Variants in STAT3 observed in about 807,000 individuals in gnomAD.
STAT3 encodes signal transducer and activator of transcription 3.
In STAT3, 7 loss-of-function variants were observed where a neutral mutation model predicts 114.3. The ratio of observed to expected loss-of-function variants is 0.06; its 90% CI spans 0.03 to 0.11. The LOEUF (loss-of-function observed/expected upper bound fraction) is 0.11, where lower values mean the gene tolerates loss of function less well. Ranked by LOEUF, STAT3 falls within the 10% of genes least tolerant of loss-of-function variation. The probability of loss-of-function intolerance (pLI) is 1.00; values close to 1 mark genes in which losing one functional copy is unlikely to be tolerated. For missense variants in STAT3, 364 were observed against 960.9 expected, an observed-to-expected ratio of 0.38 and a Z score of 8.21; for synonymous variants, 331 against 354.5, an observed-to-expected ratio of 0.93 and a Z score of 0.74.
chr17:42,315,377 A>T lies in STAT3; in HGVS notation c.*368T>A. 2.3e-6 allele frequency: 1 copy of T among 443,358 alleles called. No homozygotes were observed. The highest frequency in any genetic ancestry group is 4.2e-6 in the Non-Finnish European group (1 of 240,054). The allele number at this position is 443,358 out of a possible 1,614,324, so 27.5% of individuals were successfully genotyped here. A position where few individuals can be genotyped will look rare whatever the true frequency, so the allele number is the denominator to read the frequency against. On this transcript the variant is annotated 3_prime_UTR_variant, in exon 24 of 24. Transcript: ENST00000264657. ...GCAGAAGGATGCCGCAGGCACCAGG[A>T]GGCACTTGTCTAAGAACAACAACAA... is the stretch of plus-strand genomic sequence containing the variant.
At chr17:42,342,444 C>T (rs2082483829) in intron 4 of STAT3, among the ~76,000 whole-genome samples, 1 of 151,782 alleles carries the variant, frequency 6.6e-6, no homozygotes, top group South Asian at 2.1e-4. Flanking sequence ...AATCGCGTCA[C>T]TGCACTCCGG....
rs1426920819 is a variant in STAT3, at chr17:42,346,719, A to G, written c.129-6T>C. ...CTTTGCTGGCCGCATATGCCCTAGGAAAAGGAAGAATGATAAAGAATGGCT... is the reference window on the plus strand; with the variant it reads ...CTTTGCTGGCCGCATATGCCCTAGGGAAAGGAAGAATGATAAAGAATGGCT... On this transcript the variant is annotated splice_region_variant and splice_polypyrimidine_tract_variant and intron_variant, in intron 2 of 23. Transcript: ENST00000264657. The G allele has an allele frequency of 1.2e-6, 2 of 1,614,116 alleles. No homozygotes were observed. The highest frequency in any genetic ancestry group is 3.3e-5 in the Admixed American group (2 of 59,996).
intron 11 of STAT3, 49 bp downstream of exon 11, chr17:42,331,423 A>G (rs563900760): frequency 5.3e-6 from 8 of 1,511,012 alleles, no homozygotes; most frequent in Non-Finnish European, 6.4e-6. Flanking sequence ...CAAAGTTCTC[A>G]TTTTTCTATT....
chr17:42,317,293 C>A (rs905527390), intron 21 of STAT3, 69 bp from the exon 22 acceptor site: 2 of 1,558,144 alleles, frequency 1.3e-6, no homozygotes, highest in African/African-American at 1.3e-5. Flanking sequence ...CTGGAGGAAG[C>A]CATCTGCCTC....
chr17:42,351,123 C>G (rs905871191), intron 1 of STAT3, among the ~76,000 whole-genome samples: 1 of 126,402 alleles, frequency 7.9e-6, no homozygotes, highest in African/African-American at 3.5e-5. Context: ...TAGCGAGACT[C>G]CATCTCAAAA....
intron 21 of STAT3, among the ~76,000 whole-genome samples, chr17:42,318,096 G>A (rs2081322667): frequency 6.6e-6 from 1 of 151,842 alleles, no homozygotes; most frequent in Non-Finnish European, 1.5e-5. Context: ...GGGACTACAG[G>A]TGGCACCACC....
intron 1 of STAT3, among the ~76,000 whole-genome samples, chr17:42,367,988 A>C (rs1281424905): frequency 1.3e-5 from 2 of 152,168 alleles, no homozygotes; most frequent in African/African-American, 2.4e-5. Context: ...AATGCATGCA[A>C]ATGTTAAGTG....
chr17:42,355,564 G>GA (rs2145098536), intron 1 of STAT3, among the ~76,000 whole-genome samples: 2 of 152,084 alleles, frequency 1.3e-5, no homozygotes, highest in East Asian at 1.9e-4. Flanking sequence ...GAAGAGAAAA[G>GA]AAAAAAATGA....
chr17:42,385,034 G>A (rs2085019680), intron 1 of STAT3, among the ~76,000 whole-genome samples: 1 of 152,168 alleles, frequency 6.6e-6, no homozygotes, highest in Non-Finnish European at 1.5e-5. Flanking sequence ...CATCTGTACT[G>A]TATGTTCTTT....
At chr17:42,338,667 G>A in intron 6 of STAT3, 64 bp downstream of exon 6, 2 of 1,482,608 alleles carry the variant, frequency 1.3e-6, no homozygotes, top group Non-Finnish European at 1.9e-6. Flanking sequence ...AGACAAATGA[G>A]TCTTTCAACT....
At chr17:42,326,077 C>CT in intron 15 of STAT3, 39 bp downstream of exon 15, 3 of 1,583,168 alleles carry the variant, frequency 1.9e-6, no homozygotes, top group Non-Finnish European at 2.6e-6. Flanking sequence ...TGAGTCACCC[C>CT]TGTACGTAGC....
intron 4 of STAT3, 95 bp from the exon 5 acceptor site, chr17:42,339,504 GT>G (rs2082355736): frequency 2.3e-6 from 3 of 1,289,346 alleles, no homozygotes; most frequent in Admixed American, 1.8e-5. Context: ...TACCCTTCTT[GT>G]TTGGCTTGAG....
At position 42,345,604 on chromosome 17, in the gene STAT3, C is replaced by A. The variant is rs759676110; in HGVS notation, c.327G>T (p.Leu109=). Residue 109 remains leucine, a synonymous_variant, in exon 4 of 24, where the codon CTG becomes CTT. Coordinates refer to ENST00000264657, the MANE Select transcript of STAT3 (RefSeq NM_139276.3). ...TCTGTAGAAGGCGTGATTCTTCCCA[C>A]AGGCACCGGGCCACAATCCGGGCAA... is the stretch of plus-strand genomic sequence containing the variant. ...MEIARIVARC[L]WEESRLLQTA... is the part of the protein sequence containing the mutation. The A allele has an allele frequency of 3.1e-6, 5 of 1,608,884 alleles. No individual in the cohort carries two copies. The highest frequency in any genetic ancestry group is 4.5e-5 in the East Asian group (2 of 44,742).
chr17:42,329,429 C>T lies in STAT3; in HGVS notation c.1262G>A (p.Gly421Glu), dbSNP rs2081893936. The change falls in exon 14 of 24, where the codon GGG (glycine) becomes GAG (glutamate). Residue 421 changes from glycine to glutamate, a missense_variant. By Grantham distance (98) the Gly-to-Glu change is moderately conservative. This residue lies in a region of STAT3 where 294 missense variants were observed against 745.1 expected (regional missense o/e 0.39). Coordinates refer to ENST00000264657, the MANE Select transcript of STAT3 (RefSeq NM_139276.3). ...LTLREQRCGN[G>E]GRANCDASLI... ...ACTTACATCACAATTGGCTCGGCCC[C>T]CATTCCCACATCTCTGCTCCCTCAG... 6.2e-7 allele frequency: 1 copy of T among 1,614,150 alleles called. No individual in the cohort carries two copies. The highest frequency in any genetic ancestry group is 8.5e-7 in the Non-Finnish European group (1 of 1,180,038).
rs2084894432 is a variant in STAT3 at position 42,383,124 on chromosome 17, T to C, written c.-24+5155A>G. On this transcript the variant is annotated intron_variant, in intron 1 of 23. Transcript: ENST00000264657. ...CAGTCTGGAGTGCAGTGGCAGGATC[T>C]TGGCTCACTGCAGCCTCCACCTCCC... 1.3e-5 allele frequency among the ~76,000 whole-genome samples: 2 copies of C among 151,968 alleles called. 1 individual carries two copies. Among genetic ancestry groups the C allele is most frequent in the African/African-American group, 4.8e-5 (2 of 41,380 alleles).
intron 1 of STAT3, among the ~76,000 whole-genome samples, chr17:42,370,939 C>A (rs926017320): frequency 1.3e-5 from 2 of 152,060 alleles, no homozygotes; most frequent in Non-Finnish European, 2.9e-5. Context: ...TCCAGTATTT[C>A]TAGGTGTTTT....
In STAT3 at chr17:42,333,828, C is replaced by T; in HGVS notation, c.956+63G>A. 1 of 1,614,182 alleles carries T rather than the reference C, an allele frequency of 6.2e-7. No individual in the cohort carries two copies. The highest frequency in any genetic ancestry group is 2.2e-5 in the East Asian group (1 of 44,884). The stretch of plus-strand genomic sequence containing the variant: ...TGACCAGAAGTCAGCCCGCCTCTCA[C>T]TCTACCACGTGAGTCTTTAGGTATT... On this transcript the variant is annotated intron_variant, in intron 9 of 23. Coordinates refer to ENST00000264657, the MANE Select transcript of STAT3 (RefSeq NM_139276.3). The surrounding 1 kb of genome is among the most constrained non-coding windows in gnomAD (Gnocchi z 5.2).
chr17:42,373,111 G>A (rs2084246956), intron 1 of STAT3, among the ~76,000 whole-genome samples: 1 of 152,132 alleles, frequency 6.6e-6, no homozygotes, highest in South Asian at 2.1e-4. Flanking sequence ...CAGCACTTTG[G>A]GAGGCCAAGG....
At chr17:42,366,627 C>T (rs2083807673) in intron 1 of STAT3, among the ~76,000 whole-genome samples, 1 of 140,166 alleles carries the variant, frequency 7.1e-6, no homozygotes, top group Non-Finnish European at 1.5e-5. Context: ...GCTGAGATTG[C>T]ACCACTGCAC....
Sources: gnomAD v4.1 joint callset for allele counts (sites outside exome capture counted in the v4.1 genomes callset) on GRCh38, gnomAD v4.1.1 for gene constraint, gnomAD v4.1.1 regional missense constraint, Gnocchi (gnomAD v3.1) non-coding constraint, MANE v1.5 for transcripts, NCBI Gene and HGNC (gene_info 2026-07-23, HGNC 2026-07-21) for gene names.